Variants in PCDHGB6 observed in about 807,000 individuals in gnomAD.
PCDHGB6 encodes protocadherin gamma subfamily B, 6, also known as protocadherin gamma-B6.
A neutral mutation model predicts 59.1 loss-of-function variants in PCDHGB6; 51 were observed. The ratio of observed to expected loss-of-function variants is 0.86; its 90% CI spans 0.69 to 1.09. PCDHGB6 has a LOEUF of 1.09. Ranked by LOEUF, PCDHGB6 falls within the 50% of genes least tolerant of loss-of-function variation. The pLI, the probability that PCDHGB6 is intolerant of heterozygous loss-of-function variation, is 0.00. For missense variants in PCDHGB6, 1,148 were observed against 1,205.1 expected, an observed-to-expected ratio of 0.95 and a Z score of 0.70; for synonymous variants, 466 against 495.1, an observed-to-expected ratio of 0.94 and a Z score of 0.78.
chr5:141,427,087 A>T, intron 1 of PCDHGB6: 1 of 458,198 alleles, frequency 2.2e-6, no homozygotes, highest in Non-Finnish European at 4.4e-6. Flanking sequence ...ACTGACCAGG[A>T]TGAGGGTGTC....
chr5:141,424,294 C>G (rs1260250688), intron 1 of PCDHGB6: 1 of 152,470 alleles, frequency 6.6e-6, no homozygotes, highest in Non-Finnish European at 1.5e-5. Context: ...ATTTCTTCAT[C>G]CTATCAACAC....
chr5:141,422,715 T>C, intron 1 of PCDHGB6: 7 of 1,603,978 alleles, frequency 4.4e-6, no homozygotes, highest in African/African-American at 1.3e-5. Context: ...CGGATGACAC[T>C]GTCCAGGGGG....
rs61612330 is a variant in PCDHGB6, at chr5:141,454,796, A to ATTTTTTT, written c.2419-39988_2419-39982dup. On this transcript the variant is annotated intron_variant, in intron 1 of 3. Transcript: ENST00000520790. Reference sequence around the variant, plus strand: ...AAGGAAATAATCCTCCATGGTTCTAATTTTTTTTTTTTTTTTTTTTTTTTT... The same window carrying ATTTTTTT: ...AAGGAAATAATCCTCCATGGTTCTAATTTTTTTTTTTTTTTTTTTTTTTTTTTTTTTT... Among the ~76,000 whole-genome samples the ATTTTTTT allele has an allele frequency of 2.6e-3, 198 of 77,448 alleles. 27 individuals are homozygous for ATTTTTTT. The highest frequency in any genetic ancestry group is 8.4e-3 in the African/African-American group (141 of 16,874). The allele number at this position is 77,448 out of a possible 152,430, so 50.8% of individuals were successfully genotyped here. A position where few individuals can be genotyped will look rare whatever the true frequency, so the allele number is the denominator to read the frequency against.
intron 1 of PCDHGB6, among the ~76,000 whole-genome samples, chr5:141,458,809 T>G (rs2098953834): frequency 6.6e-6 from 1 of 152,190 alleles, no homozygotes; most frequent in Non-Finnish European, 1.5e-5. Flanking sequence ...CTCAGCTCAC[T>G]GCAACCTCTG....
intron 1 of PCDHGB6, among the ~76,000 whole-genome samples, chr5:141,464,549 C>T (rs2099086404): frequency 6.6e-6 from 1 of 152,014 alleles, no homozygotes; most frequent in Non-Finnish European, 1.5e-5. Flanking sequence ...TAGCTATTCC[C>T]CATCTTGCAT....
At chr5:141,433,691 G>A (rs2097644575) in intron 1 of PCDHGB6, among the ~76,000 whole-genome samples, 1 of 152,044 alleles carries the variant, frequency 6.6e-6, no homozygotes, top group Non-Finnish European at 1.5e-5. Flanking sequence ...TACAAAATTA[G>A]CCGGGCGTGG....
In PCDHGB6 at chr5:141,487,494, C is replaced by T. The variant is rs116370895; in HGVS notation, c.2419-7313C>T. 12 of 1,614,120 alleles carry T rather than the reference C, an allele frequency of 7.4e-6. No individual in the cohort carries two copies. The East Asian group carries it at 1.1e-4, about 15-fold the overall frequency. On this transcript the variant is annotated intron_variant, in intron 1 of 3. Transcript: ENST00000520790. The surrounding 1 kb of genome is among the most constrained non-coding windows in gnomAD (Gnocchi z 5.0). Reference sequence around the variant, plus strand: ...GGAGGCCACTCTCATGGCTGTACACCCTTGGCTTCTGCACCCACTCGGAGT... The same window carrying T: ...GGAGGCCACTCTCATGGCTGTACACTCTTGGCTTCTGCACCCACTCGGAGT...
At chr5:141,467,846 A>G (rs984687278) in intron 1 of PCDHGB6, among the ~76,000 whole-genome samples, 2 of 151,926 alleles carry the variant, frequency 1.3e-5, no homozygotes, top group Non-Finnish European at 2.9e-5. Context: ...TTTTTGTAGA[A>G]TGAGATTTCA....
At chr5:141,420,420 CAA>C (rs1462714732) in intron 1 of PCDHGB6, 2 of 1,201,950 alleles carry the variant, frequency 1.7e-6, no homozygotes, top group African/African-American at 3.2e-5. Context: ...ATTATTAAAA[CAA>C]AAGTTTAAAT....
chr5:141,490,103 C>T lies in PCDHGB6; in HGVS notation c.2419-4704C>T, dbSNP rs1012215533. ...TCTTTTGGAGACCACACATCTGAGG[C>T]AGTGCGGAACCTCTTTGGCCTAGAC... On this transcript the variant is annotated intron_variant, in intron 1 of 3. Coordinates refer to ENST00000520790, the MANE Select transcript of PCDHGB6 (RefSeq NM_018926.3). The surrounding 1 kb of genome is among the most constrained non-coding windows in gnomAD (Gnocchi z 5.4). The T allele has an allele frequency of 6.2e-7, 1 of 1,614,122 alleles. No homozygotes were observed. The highest frequency in any genetic ancestry group is 1.3e-5 in the African/African-American group (1 of 74,954).
rs866752085 is a variant in PCDHGB6, at chr5:141,424,634, A to G, written c.2418+14014A>G. ...AATAGAGTAGTTTGTGAATATATAA[A>G]TAGATTGAAGGTATTTGGACTTTAA... On this transcript the variant is annotated intron_variant, in intron 1 of 3. Coordinates refer to ENST00000520790, the MANE Select transcript of PCDHGB6 (RefSeq NM_018926.3). 6 of 152,338 alleles carry G rather than the reference A, an allele frequency of 3.9e-5. No individual in the cohort carries two copies. The South Asian group carries it at 1.2e-3, about 32-fold the overall frequency. 9.4% of individuals were successfully genotyped at this position (152,338 alleles called of 1,614,324 possible).
At position 141,431,542 on chromosome 5, in the gene PCDHGB6, G is replaced by C; in HGVS notation, c.2418+20922G>C. On this transcript the variant is annotated intron_variant, in intron 1 of 3. Coordinates refer to ENST00000520790, the MANE Select transcript of PCDHGB6 (RefSeq NM_018926.3). The surrounding 1 kb of genome is among the most constrained non-coding windows in gnomAD (Gnocchi z 4.8). ...AGAATCTGGCCTTGGGCACGCAGCT[G>C]CTTGTAGTCAACGCTACCGACCCTG... The C allele has an allele frequency of 1.9e-6, 3 of 1,614,124 alleles. No homozygotes were observed. The highest frequency in any genetic ancestry group is 1.1e-5 in the South Asian group (1 of 91,086).
intron 2 of PCDHGB6, among the ~76,000 whole-genome samples, chr5:141,496,839 AG>A (rs2099771805): frequency 1.3e-5 from 2 of 151,484 alleles, no homozygotes; most frequent in African/African-American, 4.9e-5. Context: ...CAGAACTCAT[AG>A]GCTTCCAGAC....
At chr5:141,474,652 T>C (rs962582027) in intron 1 of PCDHGB6, among the ~76,000 whole-genome samples, 1 of 152,206 alleles carries the variant, frequency 6.6e-6, no homozygotes, top group African/African-American at 2.4e-5. Context: ...TCCTTACTTC[T>C]TTTCTACCTA....
chr5:141,414,843 G>T (rs2095794241), intron 1 of PCDHGB6: 1 of 1,614,100 alleles, frequency 6.2e-7, no homozygotes, highest in Admixed American at 1.7e-5. Context: ...GCCTGTTTGT[G>T]CTGGACCAGA....
chr5:141,441,041 C>T (rs2098220628), intron 1 of PCDHGB6: 1 of 152,152 alleles, frequency 6.6e-6, no homozygotes, highest in African/African-American at 2.4e-5. Context: ...ACTTTAAGTA[C>T]ATTGGACTTT....
intron 3 of PCDHGB6, chr5:141,508,415 A>T (rs2099868684): frequency 6.6e-6 from 1 of 152,158 alleles, no homozygotes; most frequent in Non-Finnish European, 1.5e-5. Context: ...CCACGCAGAG[A>T]CTTGACCAAG....
intron 1 of PCDHGB6, chr5:141,421,202 C>A: frequency 1.3e-6 from 2 of 1,519,344 alleles, no homozygotes; most frequent in Non-Finnish European, 1.8e-6. Flanking sequence ...CTCGAGAAAC[C>A]GCGGAATATC....
At chr5:141,478,725 A>C (rs2099473537) in intron 1 of PCDHGB6, 1 of 1,542,096 alleles carries the variant, frequency 6.5e-7, no homozygotes. Flanking sequence ...GGCCTGCCAG[A>C]GTGTGGTTTG....
Sources: allele counts gnomAD v4.1 joint callset (sites outside exome capture counted in the v4.1 genomes callset), GRCh38; gene constraint gnomAD v4.1.1; non-coding constraint Gnocchi (gnomAD v3.1); transcripts MANE v1.5; gene names NCBI Gene and HGNC (gene_info 2026-07-23, HGNC 2026-07-21).